Variants in PDZRN3 observed in about 807,000 individuals in gnomAD.
PDZRN3 encodes PDZ domain containing ring finger 3.
Under a neutral mutation model 85.7 loss-of-function variants are expected in PDZRN3, and 38 were observed. The ratio of observed to expected loss-of-function variants is 0.44; its 90% CI spans 0.34 to 0.58. The LOEUF (loss-of-function observed/expected upper bound fraction) is 0.58. Ranked by LOEUF, PDZRN3 falls within the 20% of genes least tolerant of loss-of-function variation. PDZRN3 has a pLI of 0.01. For synonymous variants in PDZRN3, 759 were observed against 638.0 expected, an observed-to-expected ratio of 1.19 and a Z score of -2.86; for missense variants, 1,629 against 1,506.4, an observed-to-expected ratio of 1.08 and a Z score of -1.35.
chr3:73,404,122 T>G (rs765057829), intron 4 of PDZRN3, 26 bp downstream of exon 4: 1 of 1,605,124 alleles, frequency 6.2e-7, no homozygotes, highest in Non-Finnish European at 8.5e-7. Flanking sequence ...CTTAATGCAT[T>G]AGGGGTTCAA....
chr3:73,616,165 C>T (rs1482967858), intron 1 of PDZRN3, among the ~76,000 whole-genome samples: 2 of 152,236 alleles, frequency 1.3e-5, no homozygotes, highest in Non-Finnish European at 2.9e-5. Context: ...TTGCCTTCTG[C>T]CATGATCGGA....
At chr3:73,563,415 C>G (rs1575739248) in intron 3 of PDZRN3, among the ~76,000 whole-genome samples, 1 of 150,724 alleles carries the variant, frequency 6.6e-6, no homozygotes, top group East Asian at 2.0e-4. Flanking sequence ...GCTAAGCAGA[C>G]CCGTAGAAGG....
At chr3:73,515,466 A>G (rs1015797426) in intron 3 of PDZRN3, among the ~76,000 whole-genome samples, 1 of 152,048 alleles carries the variant, frequency 6.6e-6, no homozygotes, top group Admixed American at 6.5e-5. Context: ...GTGAGCCACC[A>G]CGCCCGGCCC....
chr3:73,470,917 T>C (rs770090903), intron 3 of PDZRN3, among the ~76,000 whole-genome samples: 9 of 152,196 alleles, frequency 5.9e-5, no homozygotes, highest in Non-Finnish European at 1.0e-4. Context: ...CAAATTGACT[T>C]AGACAACAAA....
chr3:73,605,498 T>C (rs181936802), intron 2 of PDZRN3, among the ~76,000 whole-genome samples: 7 of 152,336 alleles, frequency 4.6e-5, no homozygotes, highest in Admixed American at 3.3e-4. Context: ...ATGAATGATA[T>C]GATTTTGCTA....
At chr3:73,574,517 G>A (rs1702092380) in intron 3 of PDZRN3, among the ~76,000 whole-genome samples, 1 of 151,748 alleles carries the variant, frequency 6.6e-6, no homozygotes, top group African/African-American at 2.4e-5. Context: ...GGAGGGCACT[G>A]GTGCAACCTC....
chr3:73,452,839 C>CTGTGAGTGTGTGTG (rs1553690754), intron 3 of PDZRN3, among the ~76,000 whole-genome samples: 1 of 140,618 alleles, frequency 7.1e-6, no homozygotes, highest in Non-Finnish European at 1.5e-5. Context: ...GTCCATATAT[C>CTGTGAGTGTGTGTG]TGTGTGTGTG....
At chr3:73,460,037 T>C (rs945615435) in intron 3 of PDZRN3, among the ~76,000 whole-genome samples, 2 of 152,202 alleles carry the variant, frequency 1.3e-5, no homozygotes, top group African/African-American at 4.8e-5. Flanking sequence ...AGAATTCTCA[T>C]ATATACATTA....
chr3:73,589,048 G>C (rs1490557783), intron 3 of PDZRN3, among the ~76,000 whole-genome samples: 1 of 107,948 alleles, frequency 9.3e-6, no homozygotes, highest in Non-Finnish European at 1.9e-5. Flanking sequence ...CAGAAGATAT[G>C]ATTTTTTTTT....
chr3:73,620,187 T>C (rs935619197), intron 1 of PDZRN3, among the ~76,000 whole-genome samples: 2 of 152,122 alleles, frequency 1.3e-5, no homozygotes, highest in Non-Finnish European at 2.9e-5. Context: ...ACGGTGGTCA[T>C]TTGAGTGAGC....
chr3:73,553,039 A>G (rs1012526986), intron 3 of PDZRN3, among the ~76,000 whole-genome samples: 1 of 152,226 alleles, frequency 6.6e-6, no homozygotes, highest in African/African-American at 2.4e-5. Context: ...GAAAGCTAAC[A>G]TATAAAATGG....
intron 3 of PDZRN3, among the ~76,000 whole-genome samples, chr3:73,530,027 A>C (rs540788700): frequency 6.6e-6 from 1 of 152,350 alleles, no homozygotes; most frequent in East Asian, 1.9e-4. Flanking sequence ...CATCATTATT[A>C]GCATGATTTT....
intron 3 of PDZRN3, among the ~76,000 whole-genome samples, chr3:73,470,403 T>C (rs1314626979): frequency 6.6e-6 from 1 of 152,220 alleles, no homozygotes; most frequent in East Asian, 1.9e-4. Flanking sequence ...GTCTGTGCTA[T>C]GTGCTAAGTA....
chr3:73,444,626 T>C (rs1020437824), intron 3 of PDZRN3, among the ~76,000 whole-genome samples: 3 of 152,206 alleles, frequency 2.0e-5, no homozygotes, highest in African/African-American at 4.8e-5. Context: ...CAGCTGATGA[T>C]GTCTCCTGGG....
chr3:73,564,276 TCAGAC>T (rs1701898411), intron 3 of PDZRN3, among the ~76,000 whole-genome samples: 2 of 152,200 alleles, frequency 1.3e-5, no homozygotes, highest in African/African-American at 4.8e-5. Flanking sequence ...GCAGAGCTGT[TCAGAC>T]CTTAGCTGTT....
chr3:73,531,310 G>T (rs1704650198), intron 3 of PDZRN3, among the ~76,000 whole-genome samples: 1 of 147,694 alleles, frequency 6.8e-6, no homozygotes, highest in South Asian at 2.1e-4. Flanking sequence ...GTTGGAAAAT[G>T]AACTATCCTG....
intron 3 of PDZRN3, among the ~76,000 whole-genome samples, chr3:73,588,721 C>T (rs1702311189): frequency 6.6e-6 from 1 of 152,182 alleles, no homozygotes; most frequent in Non-Finnish European, 1.5e-5. Flanking sequence ...AATGACTTTC[C>T]ATTTACAGTC....
chr3:73,498,784 A>G (rs1703918169), intron 3 of PDZRN3, among the ~76,000 whole-genome samples: 1 of 152,038 alleles, frequency 6.6e-6, no homozygotes, highest in Non-Finnish European at 1.5e-5. Flanking sequence ...GGGGTTTCAC[A>G]TGTTGGTTAG....
chr3:73,466,049 C>T (rs1210491101), intron 3 of PDZRN3, among the ~76,000 whole-genome samples: 1 of 152,152 alleles, frequency 6.6e-6, no homozygotes, highest in Non-Finnish European at 1.5e-5. Context: ...AAAGCTTTGT[C>T]TATCAGGCTA....
Sources: gnomAD v4.1 joint callset for allele counts (sites outside exome capture counted in the v4.1 genomes callset) on GRCh38, gnomAD v4.1.1 for gene constraint, MANE v1.5 for transcripts, NCBI Gene and HGNC (gene_info 2026-07-23, HGNC 2026-07-21) for gene names.